DNM2: variants seen among roughly 807,000 people sequenced by gnomAD.
DNM2 encodes dynamin-2.
Under a neutral mutation model 99.0 loss-of-function variants are expected in DNM2, and 15 were observed. That is an observed-to-expected ratio of 0.15 (90% confidence interval 0.10 to 0.23). DNM2 has a LOEUF of 0.23. Among genes scored for constraint, DNM2 ranks in the 10% least tolerant of loss-of-function variants. The pLI is 1.00. For missense variants in DNM2, 742 were observed against 1,189.4 expected (o/e 0.62, Z 5.53); for synonymous variants, 525 against 481.2 (o/e 1.09, Z -1.19).
chr19:10,736,264 C>CAAAAAAAA, intron 1 of DNM2, among the ~76,000 whole-genome samples: 1 of 91,488 alleles, frequency 1.1e-5, no homozygotes, highest in East Asian at 2.5e-4. Flanking sequence ...GACTCTGTCT[C>CAAAAAAAA]AAAAAAAAAA....
chr19:10,732,846 A>G lies in DNM2; in HGVS notation c.161+14443A>G, dbSNP rs17698245. Among the ~76,000 whole-genome samples, 1,027 of 151,888 alleles carry G rather than the reference A, an allele frequency of 6.8e-3. 77 individuals carry two copies. In the East Asian group the frequency reaches 0.16, roughly 24 times the overall value. ...GACTGTCTTGCACCAGGTCCCTGCT[A>G]TATTTAGTGCCTCCAAGAATGTTTG... On this transcript the variant is annotated intron_variant, in intron 1 of 20. Transcript: ENST00000389253.
rs764774221 is a variant in DNM2 at position 10,799,347 on chromosome 19, TGCCA to T, written c.1422+776_1422+779del. 2.6e-4 allele frequency among the ~76,000 whole-genome samples: 40 copies of T among 152,254 alleles called. No homozygotes were observed. In the South Asian group the frequency reaches 2.9e-3, roughly 11 times the overall value. On this transcript the variant is annotated intron_variant, in intron 11 of 20. Transcript: ENST00000389253. The stretch of plus-strand genomic sequence containing the variant: ...GCCCATTGACTCTTGACTCCCTTCC[TGCCA>T]CCCTTCTTCCCTCCCTCCCTCCCCT...
intron 17 of DNM2, chr19:10,824,610 G>A (rs2073083336): frequency 4.7e-6 from 1 of 212,300 alleles, no homozygotes; most frequent in Non-Finnish European, 9.6e-6. Context: ...TTCGAAAACA[G>A]CCTGGGCAAT....
At chr19:10,782,716 C>G (rs920478992) in intron 5 of DNM2, among the ~76,000 whole-genome samples, 3 of 152,200 alleles carry the variant, frequency 2.0e-5, no homozygotes, top group African/African-American at 7.2e-5. Context: ...TGCCCCAAAG[C>G]TTTTTTCTGT....
chr19:10,828,313 C>T (rs548667148), intron 18 of DNM2, among the ~76,000 whole-genome samples: 8 of 148,866 alleles, frequency 5.4e-5, no homozygotes, highest in South Asian at 2.1e-4. Context: ...ATTGGCTGGG[C>T]GCGGTGGCTC....
intron 1 of DNM2, among the ~76,000 whole-genome samples, chr19:10,756,194 C>T (rs1161168856): frequency 2.0e-5 from 3 of 152,064 alleles, no homozygotes; most frequent in Non-Finnish European, 4.4e-5. Context: ...TGGGGGCGCC[C>T]GCTCGCTGTT....
intron 2 of DNM2, among the ~76,000 whole-genome samples, chr19:10,760,422 A>G (rs911446288): frequency 1.3e-5 from 2 of 151,962 alleles, no homozygotes; most frequent in Admixed American, 1.3e-4. Flanking sequence ...TGACACATCC[A>G]TCCTTCACGC....
intron 17 of DNM2, chr19:10,824,428 G>A (rs1184481757): frequency 5.0e-6 from 1 of 200,356 alleles, no homozygotes; most frequent in Non-Finnish European, 1.0e-5. Context: ...TTAAACCCGG[G>A]AGGTAGAGGT....
chr19:10,721,452 T>C (rs1387282577), intron 1 of DNM2, among the ~76,000 whole-genome samples: 4 of 152,222 alleles, frequency 2.6e-5, no homozygotes, highest in African/African-American at 9.6e-5. Flanking sequence ...CCACCATGGC[T>C]GGCCTCGTTA....
chr19:10,778,054 T>TATTTATTC (rs1225308146), intron 5 of DNM2, among the ~76,000 whole-genome samples: 1 of 151,230 alleles, frequency 6.6e-6, no homozygotes, highest in African/African-American at 2.4e-5. Context: ...TTTATTTATT[T>TATTTATTC]ATGAGACGGA....
At chr19:10,749,458 T>C (rs2070116241) in intron 1 of DNM2, among the ~76,000 whole-genome samples, 1 of 152,206 alleles carries the variant, frequency 6.6e-6, no homozygotes. Context: ...GGTGGCCCAC[T>C]TTAGAGCTCT....
intron 1 of DNM2, among the ~76,000 whole-genome samples, chr19:10,725,150 T>C (rs2069071037): frequency 6.6e-6 from 1 of 152,162 alleles, no homozygotes. Flanking sequence ...AATTGCATCT[T>C]GAAAAGGCCA....
chr19:10,775,948 T>A lies in DNM2; in HGVS notation c.589+42T>A. On this transcript the variant is annotated intron_variant, in intron 4 of 20. Coordinates refer to ENST00000389253, the MANE Select transcript of DNM2 (RefSeq NM_001005361.3). The surrounding 1 kb of genome is among the most constrained non-coding windows in gnomAD (Gnocchi z 4.3). ...GGCAGTCCCCTCTTCCAGGTGCCTC[T>A]GAGCATGGGATGTGCCCAGCATCCT... 6.3e-7 allele frequency: 1 copy of A among 1,599,656 alleles called. No homozygotes were observed. The highest frequency in any genetic ancestry group is 8.5e-7 in the Non-Finnish European group (1 of 1,177,862).
intron 1 of DNM2, among the ~76,000 whole-genome samples, chr19:10,751,011 T>G (rs1478493445): frequency 1.3e-5 from 2 of 151,750 alleles, no homozygotes; most frequent in African/African-American, 4.9e-5. Context: ...GAGCTGTGTG[T>G]GAGCTCCCCA....
Position 10,746,727 on chromosome 19 carries a change from G to GTTTT in DNM2, c.162-13008_162-13005dup, listed in dbSNP as rs757494612. On this transcript the variant is annotated intron_variant, in intron 1 of 20. Transcript: ENST00000389253. ...GAGCAACCGTGCCGGCTTTTTTTTT[G>GTTTT]TTTTTTGTTTTTTTTTTTTTTGAGA... Among the ~76,000 whole-genome samples, 195 of 116,174 alleles carry GTTTT rather than the reference G, an allele frequency of 1.7e-3. 17 individuals are homozygous for GTTTT. Among genetic ancestry groups the GTTTT allele is most frequent in the Admixed American group, 1.9e-3 (19 of 9,770 alleles). The allele number at this position is 116,174 out of a possible 152,430, so 76.2% of individuals were successfully genotyped here.
rs2072585096 is a variant in DNM2 at position 10,812,505 on chromosome 19, C to G, written c.1671+128C>G. On this transcript the variant is annotated intron_variant, in intron 15 of 20. Transcript: ENST00000389253. The surrounding 1 kb of genome is among the most constrained non-coding windows in gnomAD (Gnocchi z 4.0). ...CCCTGAGTCACCATTAGGACTGTAA[C>G]TCGCCGGGCACGGTGGCTCCCGCCT... 1 of 725,336 alleles carries G rather than the reference C, an allele frequency of 1.4e-6. No individual in the cohort carries two copies. 44.9% of individuals were successfully genotyped at this position (725,336 alleles called of 1,614,324 possible).
Position 10,830,701 on chromosome 19 carries a change from C to T in DNM2, c.2544-277C>T, listed in dbSNP as rs1027732437. Among the ~76,000 whole-genome samples, 1 of 152,182 alleles carries T rather than the reference C, an allele frequency of 6.6e-6. No individual in the cohort carries two copies. The highest frequency in any genetic ancestry group is 1.5e-5 in the Non-Finnish European group (1 of 68,028). ...TTCTTCTCCTTCCTGCTCCTGCCTG[C>T]CTCAACCTACCGTGGGCCAGGCTTT... On this transcript the variant is annotated intron_variant, in intron 20 of 20. Coordinates refer to ENST00000389253, the MANE Select transcript of DNM2 (RefSeq NM_001005361.3). This position sits in a 1 kb window ranked among gnomAD's most constrained non-coding sequence, Gnocchi z 4.8.
At chr19:10,808,787 C>T (rs530789462) in intron 14 of DNM2, 7 of 510,154 alleles carry the variant, frequency 1.4e-5, no homozygotes, top group East Asian at 6.6e-5. Flanking sequence ...CTAACTGGAC[C>T]GCCACCCTTG....
intron 12 of DNM2, 117 bp from the exon 13 acceptor site, chr19:10,805,798 TG>T: frequency 7.7e-7 from 1 of 1,291,954 alleles, no homozygotes; most frequent in Non-Finnish European, 1.1e-6. Context: ...GGCTTCTCTC[TG>T]CCTCTACCTG....
Sources: gnomAD v4.1 joint callset for allele counts (sites outside exome capture counted in the v4.1 genomes callset) on GRCh38, gnomAD v4.1.1 for gene constraint, Gnocchi (gnomAD v3.1) non-coding constraint, MANE v1.5 for transcripts, NCBI Gene and HGNC (gene_info 2026-07-23, HGNC 2026-07-21) for gene names.